The following SH3RF3 variants were observed in gnomAD, a reference collection of about 807,000 sequenced individuals.
SH3RF3 encodes SH3 domain containing ring finger 3.
Under a neutral mutation model 66.3 loss-of-function variants are expected in SH3RF3, and 29 were observed. The observed-to-expected ratio is 0.44, with a 90% confidence interval of 0.33 to 0.60. SH3RF3 has a LOEUF of 0.60. Ranked by LOEUF, SH3RF3 falls within the 20% of genes least tolerant of loss-of-function variation. The pLI is 0.04. For synonymous variants in SH3RF3, 583 were observed against 532.0 expected, an observed-to-expected ratio of 1.10 and a Z score of -1.32; for missense variants, 1,194 against 1,190.9, an observed-to-expected ratio of 1.00 and a Z score of -0.04.
intron 3 of SH3RF3, among the ~76,000 whole-genome samples, chr2:109,381,252 G>A (rs1236056749): frequency 2.0e-5 from 3 of 152,228 alleles, no homozygotes; most frequent in African/African-American, 4.8e-5. Flanking sequence ...GCCTGCAGCC[G>A]GTGGAAGTAA....
At chr2:109,401,323 C>T (rs1676307524) in intron 4 of SH3RF3, among the ~76,000 whole-genome samples, 1 of 152,198 alleles carries the variant, frequency 6.6e-6, no homozygotes. Flanking sequence ...TGAGGGGTAC[C>T]CCTAAGAAGA....
intron 1 of SH3RF3, among the ~76,000 whole-genome samples, chr2:109,258,742 G>A (rs371025061): frequency 1.3e-5 from 2 of 152,218 alleles, no homozygotes; most frequent in East Asian, 1.9e-4. Context: ...CATATAATAC[G>A]TGCTGCTTTG....
chr2:109,237,608 AT>A lies in SH3RF3; in HGVS notation c.573+107503del, dbSNP rs1024768004. 3.9e-5 allele frequency among the ~76,000 whole-genome samples: 6 copies of A among 152,132 alleles called. No homozygotes were observed. The East Asian group carries it at 7.7e-4, about 20-fold the overall frequency. ...CATTATGAGATTTTTGTGTGTGTGA[AT>A]TTTTTTTAAAGCTCATCGGCTATTG... On this transcript the variant is annotated intron_variant, in intron 1 of 9. Transcript: ENST00000309415.
intron 8 of SH3RF3, among the ~76,000 whole-genome samples, chr2:109,455,485 C>T (rs1678026174): frequency 6.6e-6 from 1 of 152,056 alleles, no homozygotes. Context: ...CACATGTGTG[C>T]ACCCACCCAT....
rs187300324 is a variant in SH3RF3, at chr2:109,348,124, G to T, written c.849+175G>T. On this transcript the variant is annotated intron_variant, in intron 2 of 9. Coordinates refer to ENST00000309415, the MANE Select transcript of SH3RF3 (RefSeq NM_001099289.3). The stretch of plus-strand genomic sequence containing the variant: ...CCCTCCCTGTGCTTCCATGAATGGG[G>T]TGATGGTTTTTTTTGGTTGAATGCT... Among the ~76,000 whole-genome samples the T allele has an allele frequency of 5.9e-3, 900 of 152,264 alleles. 15 individuals carry two copies. Among genetic ancestry groups the T allele is most frequent in the African/African-American group, 0.021 (852 of 41,522 alleles).
chr2:109,496,172 T>C (rs534298590), intron 9 of SH3RF3, among the ~76,000 whole-genome samples: 2 of 152,362 alleles, frequency 1.3e-5, no homozygotes, highest in African/African-American at 4.8e-5. Context: ...TTTAGGATCC[T>C]GCTGATTGGT....
intron 1 of SH3RF3, among the ~76,000 whole-genome samples, chr2:109,173,061 T>A (rs72944101): frequency 0.028 from 4,212 of 152,226 alleles, 178 homozygotes; most frequent in African/African-American, 0.095. Flanking sequence ...TAAGGGAAAA[T>A]TTTACTTTCT....
At chr2:109,473,245 C>A (rs570802951) in intron 8 of SH3RF3, among the ~76,000 whole-genome samples, 18 of 152,334 alleles carry the variant, frequency 1.2e-4, no homozygotes, top group Admixed American at 6.5e-4. Context: ...CCCCATTCGA[C>A]GCCTGGGCAC....
chr2:109,368,546 T>C (rs757171614), intron 2 of SH3RF3, among the ~76,000 whole-genome samples: 5 of 152,128 alleles, frequency 3.3e-5, no homozygotes, highest in African/African-American at 1.2e-4. Context: ...GCAACCTTCC[T>C]CAAATTCTTA....
intron 6 of SH3RF3, among the ~76,000 whole-genome samples, chr2:109,433,724 C>T (rs115732835): frequency 0.013 from 2,012 of 152,308 alleles, 44 homozygotes; most frequent in African/African-American, 0.045. Flanking sequence ...GGGCCTCTCT[C>T]GAGGTGCCCA....
chr2:109,412,973 G>A (rs1676634139), intron 4 of SH3RF3, among the ~76,000 whole-genome samples: 1 of 152,024 alleles, frequency 6.6e-6, no homozygotes, highest in Non-Finnish European at 1.5e-5. Context: ...CGGCACAGGC[G>A]GCAGTGGGGC....
At chr2:109,174,575 C>A (rs1023185258) in intron 1 of SH3RF3, among the ~76,000 whole-genome samples, 1 of 152,194 alleles carries the variant, frequency 6.6e-6, no homozygotes, top group Non-Finnish European at 1.5e-5. Context: ...CTGGAATTCC[C>A]TCCATTGTGG....
rs1679406638 is a variant in SH3RF3, at chr2:109,502,166, G to C, written c.*495G>C. The C allele has an allele frequency of 6.5e-6, 1 of 153,452 alleles. No homozygotes were observed. Among genetic ancestry groups the C allele is most frequent in the African/African-American group, 2.4e-5 (1 of 41,418 alleles). The allele number at this position is 153,452 out of a possible 1,614,324, so 9.5% of individuals were successfully genotyped here. A position where few individuals can be genotyped will look rare whatever the true frequency, so the allele number is the denominator to read the frequency against. On this transcript the variant is annotated 3_prime_UTR_variant, in exon 10 of 10. Coordinates refer to ENST00000309415, the MANE Select transcript of SH3RF3 (RefSeq NM_001099289.3). The stretch of plus-strand genomic sequence containing the variant: ...TACCTCAGTCACCTGCCGCCCGGCT[G>C]CTCAGCAGGGGTGTTTGTGAGGCCC...
chr2:109,185,771 A>G (rs1678172634), intron 1 of SH3RF3, among the ~76,000 whole-genome samples: 2 of 152,242 alleles, frequency 1.3e-5, no homozygotes, highest in East Asian at 1.9e-4. Context: ...TGTGATTTCA[A>G]ATTAACTTGG....
chr2:109,430,682 T>C (rs113949283), intron 5 of SH3RF3, among the ~76,000 whole-genome samples: 3 of 152,210 alleles, frequency 2.0e-5, no homozygotes, highest in African/African-American at 7.2e-5. Context: ...TCCTCTATGG[T>C]GATGGGAACA....
intron 3 of SH3RF3, among the ~76,000 whole-genome samples, chr2:109,384,015 A>G (rs7571725): frequency 0.24 from 36,512 of 152,156 alleles, 5,419 homozygotes; most frequent in African/African-American, 0.42. Flanking sequence ...AAGGCAGCCC[A>G]TCCTTTCCAT....
chr2:109,340,451 G>A (rs2105525585), intron 1 of SH3RF3, among the ~76,000 whole-genome samples: 1 of 152,304 alleles, frequency 6.6e-6, no homozygotes, highest in African/African-American at 2.4e-5. Flanking sequence ...TTACACCCAA[G>A]GACCATGCAT....
At chr2:109,434,215 T>C (rs934104159) in intron 6 of SH3RF3, among the ~76,000 whole-genome samples, 2 of 152,204 alleles carry the variant, frequency 1.3e-5, no homozygotes, top group African/African-American at 2.4e-5. Context: ...AGATGGCGGG[T>C]GTCCACACCT....
chr2:109,175,950 G>C (rs143758965), intron 1 of SH3RF3, among the ~76,000 whole-genome samples: 242 of 152,050 alleles, frequency 1.6e-3, no homozygotes, highest in African/African-American at 5.7e-3. Context: ...TATTTTTCTG[G>C]ATCACTTGTG....
Sources: gnomAD v4.1 joint callset for allele counts (sites outside exome capture counted in the v4.1 genomes callset) on GRCh38, gnomAD v4.1.1 for gene constraint, MANE v1.5 for transcripts, NCBI Gene and HGNC (gene_info 2026-07-23, HGNC 2026-07-21) for gene names.